The following COP1 variants were observed in gnomAD, a reference collection of about 807,000 sequenced individuals.
The protein encoded by COP1 is E3 ubiquitin-protein ligase COP1.
A neutral mutation model predicts 101.3 loss-of-function variants in COP1; 24 were observed. That is an observed-to-expected ratio of 0.24 (90% CI 0.17 to 0.33). The LOEUF (loss-of-function observed/expected upper bound fraction) is 0.33. Ranked by LOEUF, COP1 falls within the 10% of genes least tolerant of loss-of-function variation. The pLI is 1.00. For synonymous variants in COP1, 347 were observed against 341.9 expected (o/e 1.01, Z -0.17); for missense variants, 663 against 906.2 (o/e 0.73, Z 3.45).
intron 1 of COP1, among the ~76,000 whole-genome samples, chr1:176,186,538 T>G (rs1698462045): frequency 6.6e-6 from 1 of 151,072 alleles, no homozygotes; most frequent in Non-Finnish European, 1.5e-5. Context: ...AGACCCTATC[T>G]CAAAAAGAAA....
intron 15 of COP1, among the ~76,000 whole-genome samples, chr1:176,001,095 A>T (rs1330559397): frequency 6.6e-6 from 1 of 152,106 alleles, no homozygotes. Flanking sequence ...AGAAAAAAGG[A>T]AGTGCAGCTC....
intron 11 of COP1, among the ~76,000 whole-genome samples, chr1:176,073,357 CA>C (rs1471222115): frequency 6.6e-6 from 1 of 152,052 alleles, no homozygotes; most frequent in African/African-American, 2.4e-5. Flanking sequence ...TTTGAACAAA[CA>C]TAAGTAAAAA....
In COP1 at chr1:176,045,844, A is replaced by G. The variant is rs149841951; in HGVS notation, c.1421+337T>C. On this transcript the variant is annotated intron_variant, in intron 12 of 19. Transcript: ENST00000367669. ...GTGCAGGCTAGGGGAAAAATTCCTGATGTTCAAATACTATTCATAAGCTAC... is the reference window on the plus strand; with the variant it reads ...GTGCAGGCTAGGGGAAAAATTCCTGGTGTTCAAATACTATTCATAAGCTAC... Among the ~76,000 whole-genome samples the G allele has an allele frequency of 3.0e-3, 455 of 152,088 alleles. 2 individuals carry two copies. The highest frequency in any genetic ancestry group is 0.01 in the African/African-American group (428 of 41,538).
intron 1 of COP1, among the ~76,000 whole-genome samples, chr1:176,200,237 CTTAT>C (rs1700127073): frequency 6.6e-6 from 1 of 152,142 alleles, no homozygotes; most frequent in African/African-American, 2.4e-5. Flanking sequence ...TATTTGAGCA[CTTAT>C]TATTATGAGT....
chr1:176,050,237 G>A (rs1234367705), intron 11 of COP1, among the ~76,000 whole-genome samples: 1 of 152,164 alleles, frequency 6.6e-6, no homozygotes, highest in African/African-American at 2.4e-5. Flanking sequence ...TAGGAAACTA[G>A]CTGTATTCTT....
chr1:176,031,308 C>A (rs1668613958), intron 14 of COP1, among the ~76,000 whole-genome samples: 1 of 152,060 alleles, frequency 6.6e-6, no homozygotes, highest in Non-Finnish European at 1.5e-5. Context: ...ATAGTATAAT[C>A]TTTTGGAGGA....
intron 18 of COP1, among the ~76,000 whole-genome samples, chr1:175,978,229 A>G (rs1354977999): frequency 6.6e-6 from 1 of 152,214 alleles, no homozygotes; most frequent in African/African-American, 2.4e-5. Flanking sequence ...CTTTTTAAAA[A>G]AGGATTTAAT....
At chr1:175,955,174 G>A (rs1650464595) in intron 18 of COP1, among the ~76,000 whole-genome samples, 1 of 152,084 alleles carries the variant, frequency 6.6e-6, no homozygotes, top group Non-Finnish European at 1.5e-5. Context: ...CTGAGCCTGG[G>A]AAGGCTGTAG....
intron 9 of COP1, among the ~76,000 whole-genome samples, chr1:176,102,142 A>G (rs1683516349): frequency 1.3e-5 from 2 of 152,008 alleles, no homozygotes; most frequent in Non-Finnish European, 2.9e-5. Flanking sequence ...AGTTTGTGCC[A>G]TTTGCAGCGG....
intron 11 of COP1, among the ~76,000 whole-genome samples, chr1:176,049,580 C>T (rs529010614): frequency 1.3e-5 from 2 of 152,114 alleles, no homozygotes; most frequent in African/African-American, 2.4e-5. Context: ...GGTCCCCCCC[C>T]TCAAACCACC....
chr1:176,021,358 G>C lies in COP1; in HGVS notation c.1729+6214C>G, dbSNP rs190447609. Among the ~76,000 whole-genome samples, 263 of 152,210 alleles carry C rather than the reference G, an allele frequency of 1.7e-3. 1 individual carries two copies. Among genetic ancestry groups the C allele is most frequent in the Non-Finnish European group, 8.5e-4 (58 of 68,020 alleles). ...AGAATTATTTCCTCTAAATGGCCTA[G>C]TTTGCTAAGATTGTACAAACTCAGC... On this transcript the variant is annotated intron_variant, in intron 15 of 19. Transcript: ENST00000367669.
At chr1:176,179,938 A>G (rs1347651862) in intron 2 of COP1, among the ~76,000 whole-genome samples, 1 of 152,052 alleles carries the variant, frequency 6.6e-6, no homozygotes. Context: ...TCTGCATTGC[A>G]CTTGATAAAA....
chr1:176,205,100 T>C (rs1313775441), intron 1 of COP1, among the ~76,000 whole-genome samples: 1 of 152,220 alleles, frequency 6.6e-6, no homozygotes, highest in African/African-American at 2.4e-5. Context: ...TTTAGTGTAC[T>C]TACACGGAGG....
Position 176,123,162 on chromosome 1 carries a change from A to C in COP1, c.969-6481T>G, listed in dbSNP as rs533408122. Among the ~76,000 whole-genome samples the C allele has an allele frequency of 8.5e-5, 13 of 152,336 alleles. No individual in the cohort carries two copies. In the South Asian group the frequency reaches 2.7e-3, roughly 32 times the overall value. ...TTGATACAATCCATCAGGGTTTAAA[A>C]AAACAATTATCTGAAATAACCTCAG... is the stretch of plus-strand genomic sequence containing the variant. On this transcript the variant is annotated intron_variant, in intron 8 of 19. Transcript: ENST00000367669.
intron 6 of COP1, among the ~76,000 whole-genome samples, chr1:176,147,011 T>A (rs1458934789): frequency 6.6e-6 from 1 of 152,188 alleles, no homozygotes; most frequent in Non-Finnish European, 1.5e-5. Context: ...TTGGTATATA[T>A]CAATGTCTAA....
chr1:176,136,572 GAC>G, intron 6 of COP1, 25 bp from the exon 7 acceptor site: 3 of 1,355,908 alleles, frequency 2.2e-6, no homozygotes, highest in Middle Eastern at 2.0e-4. Context: ...GAGAGAGAAA[GAC>G]AAAAAAAAAA....
intron 15 of COP1, among the ~76,000 whole-genome samples, chr1:176,019,230 C>T (rs1032622678): frequency 9.4e-5 from 14 of 149,396 alleles, no homozygotes; most frequent in African/African-American, 2.7e-4. Context: ...TTTGGGAGGC[C>T]GAGGCGGGCG....
chr1:175,953,113 G>T (rs1295497232), intron 18 of COP1, among the ~76,000 whole-genome samples: 4 of 151,844 alleles, frequency 2.6e-5, no homozygotes, highest in African/African-American at 7.3e-5. Context: ...ATAATAAAAG[G>T]GGAGAATAGA....
At chr1:176,092,738 T>A (rs1220476827) in intron 9 of COP1, among the ~76,000 whole-genome samples, 1 of 152,210 alleles carries the variant, frequency 6.6e-6, no homozygotes, top group African/African-American at 2.4e-5. Context: ...CTGGAACTCA[T>A]ACACTCATGT....
Sources: gnomAD v4.1 joint callset for allele counts (sites outside exome capture counted in the v4.1 genomes callset) on GRCh38, gnomAD v4.1.1 for gene constraint, MANE v1.5 for transcripts, NCBI Gene and HGNC (gene_info 2026-07-23, HGNC 2026-07-21) for gene names.